Variants in CGNL1 observed in about 807,000 individuals in gnomAD.
The protein encoded by CGNL1 is cingulin like 1.
CGNL1 carries 132 observed loss-of-function variants against 141.2 expected under a neutral mutation model. The observed-to-expected ratio is 0.93, with a 90% confidence interval of 0.81 to 1.08. The LOEUF (loss-of-function observed/expected upper bound fraction) is 1.08, where lower values mean the gene tolerates loss of function less well. Ranked by LOEUF, CGNL1 falls within the 50% of genes least tolerant of loss-of-function variation. CGNL1 has a pLI of 0.00. For synonymous variants in CGNL1, 690 were observed against 622.1 expected, an observed-to-expected ratio of 1.11 and a Z score of -1.63; for missense variants, 1,870 against 1,588.6, an observed-to-expected ratio of 1.18 and a Z score of -3.01.
At chr15:57,511,172 T>G (rs1409145101) in intron 8 of CGNL1, among the ~76,000 whole-genome samples, 2 of 152,236 alleles carry the variant, frequency 1.3e-5, no homozygotes, top group African/African-American at 4.8e-5. Context: ...GTTTTCCACA[T>G]AGCCCCAGTT....
At chr15:57,446,810 C>T (rs2063258639) in intron 4 of CGNL1, among the ~76,000 whole-genome samples, 1 of 151,716 alleles carries the variant, frequency 6.6e-6, no homozygotes, top group South Asian at 2.1e-4. Context: ...AAACAATTTA[C>T]ACTCCTGGTA....
At chr15:57,448,354 A>AT (rs1184158937) in intron 4 of CGNL1, among the ~76,000 whole-genome samples, 1 of 151,238 alleles carries the variant, frequency 6.6e-6, no homozygotes, top group East Asian at 1.9e-4. Flanking sequence ...CTGGAACTTG[A>AT]TTAAAAAAAA....
At chr15:57,466,875 T>A (rs1380618178) in intron 8 of CGNL1, among the ~76,000 whole-genome samples, 1 of 152,234 alleles carries the variant, frequency 6.6e-6, no homozygotes, top group Non-Finnish European at 1.5e-5. Flanking sequence ...AGTATTTTGA[T>A]GCTGATAAAA....
intron 14 of CGNL1, among the ~76,000 whole-genome samples, chr15:57,542,789 G>A (rs2032635965): frequency 6.6e-6 from 1 of 152,170 alleles, no homozygotes; most frequent in African/African-American, 2.4e-5. Flanking sequence ...GACTCATCCT[G>A]GTTCACCTGG....
chr15:57,541,141 G>A (rs549495375), intron 14 of CGNL1, among the ~76,000 whole-genome samples: 9 of 152,258 alleles, frequency 5.9e-5, no homozygotes, highest in Non-Finnish European at 1.0e-4. Context: ...TTAGGAGCCT[G>A]TATCCCAGAA....
At chr15:57,451,218 T>G (rs1198345323) in intron 4 of CGNL1, among the ~76,000 whole-genome samples, 1 of 152,222 alleles carries the variant, frequency 6.6e-6, no homozygotes, top group African/African-American at 2.4e-5. Flanking sequence ...TATGCAAGTT[T>G]TAGTCATATT....
chr15:57,544,308 G>A lies in CGNL1; in HGVS notation c.3376-165G>A, dbSNP rs2032731022. ...CAGCTGAGTTCAGGGGTTTTCCTTG[G>A]AAACATCTCTGTGTTCCCCAGGTCT... On this transcript the variant is annotated intron_variant, in intron 15 of 18. Coordinates refer to ENST00000281282, the MANE Select transcript of CGNL1 (RefSeq NM_032866.5). 3.3e-5 allele frequency among the ~76,000 whole-genome samples: 5 copies of A among 152,238 alleles called. No homozygotes were observed. The South Asian group carries it at 1.0e-3, about 32-fold the overall frequency.
intron 2 of CGNL1, 87 bp downstream of exon 2, chr15:57,439,688 A>T (rs1248210743): frequency 1.6e-6 from 2 of 1,258,726 alleles, no homozygotes; most frequent in Non-Finnish European, 2.2e-6. Context: ...AGGCCATAGG[A>T]ATTACACATC....
intron 14 of CGNL1, among the ~76,000 whole-genome samples, chr15:57,538,369 T>A (rs931128672): frequency 2.6e-5 from 4 of 152,264 alleles, no homozygotes; most frequent in Non-Finnish European, 2.9e-5. Flanking sequence ...GTTTTATGGC[T>A]ACACATTTAT....
At chr15:57,426,432 A>G (rs1465023146) in intron 1 of CGNL1, among the ~76,000 whole-genome samples, 1 of 146,554 alleles carries the variant, frequency 6.8e-6, no homozygotes, top group Non-Finnish European at 1.5e-5. Context: ...GGCATGAGCC[A>G]CCACACCAGG....
chr15:57,401,307 T>G lies in CGNL1; in HGVS notation c.-16+24740T>G, dbSNP rs1402209246. Reference sequence around the variant, plus strand: ...TATAATTCTTCTGTTCAGAGTTAATTACTGGAAATAGGGTTGGACGGTGTA... The same window carrying G: ...TATAATTCTTCTGTTCAGAGTTAATGACTGGAAATAGGGTTGGACGGTGTA... On this transcript the variant is annotated intron_variant, in intron 1 of 18. Transcript: ENST00000281282. Among the ~76,000 whole-genome samples, 6 of 152,350 alleles carry G rather than the reference T, an allele frequency of 3.9e-5. No individual in the cohort carries two copies. In the East Asian group the frequency reaches 7.7e-4, roughly 20 times the overall value.
chr15:57,486,907 G>A lies in CGNL1; in HGVS notation c.2403+25015G>A, dbSNP rs565768678. ...TCTGTCCTTGTTTTACATTTCCATT[G>A]GGAGTGGTGTTTTAGAACTTCTTAC... On this transcript the variant is annotated intron_variant, in intron 8 of 18. Coordinates refer to ENST00000281282, the MANE Select transcript of CGNL1 (RefSeq NM_032866.5). Among the ~76,000 whole-genome samples the A allele has an allele frequency of 2.6e-5, 4 of 152,290 alleles. No individual in the cohort carries two copies. In the South Asian group the frequency reaches 6.2e-4, roughly 24 times the overall value.
chr15:57,434,745 C>T (rs138599320), intron 1 of CGNL1, among the ~76,000 whole-genome samples: 196 of 152,232 alleles, frequency 1.3e-3, no homozygotes, highest in African/African-American at 4.5e-3. Flanking sequence ...TTAAAAAATA[C>T]GATGGAAATT....
chr15:57,538,310 C>T (rs938735613), intron 14 of CGNL1, among the ~76,000 whole-genome samples: 2 of 152,216 alleles, frequency 1.3e-5, no homozygotes, highest in Non-Finnish European at 2.9e-5. Context: ...CCTGGGTTTG[C>T]AAAGACTGAA....
chr15:57,438,965 T>G lies in CGNL1; in HGVS notation c.966T>G (p.His322Gln), dbSNP rs138139512. Reference sequence around the variant, plus strand: ...TGGATGATCAGGAATGTGCCATCCATGCCGACAACGTCAATCGTCATGAAA... The same window carrying G: ...TGGATGATCAGGAATGTGCCATCCAGGCCGACAACGTCAATCGTCATGAAA... ...FLLDDQECAI[H>Q]ADNVNRHENR... is the part of the protein sequence containing the mutation. The change falls in exon 2 of 19, where the codon CAT becomes CAG. Residue 322 changes from histidine (H) to glutamine (Q), a missense_variant. Physicochemically the swap from His to Gln is conservative, Grantham distance 24. Transcript: ENST00000281282. The G allele has an allele frequency of 7.4e-6, 12 of 1,614,108 alleles. No individual in the cohort carries two copies. The highest frequency in any genetic ancestry group is 1.0e-5 in the Non-Finnish European group (12 of 1,180,048).
chr15:57,393,656 A>C (rs1330338002), intron 1 of CGNL1, among the ~76,000 whole-genome samples: 1 of 148,108 alleles, frequency 6.8e-6, no homozygotes, highest in Non-Finnish European at 1.5e-5. Context: ...GCCCCGAGTT[A>C]AATTTCTTGA....
chr15:57,524,762 G>A lies in CGNL1; in HGVS notation c.3039+11G>A, dbSNP rs368536941. On this transcript the variant is annotated intron_variant, in intron 12 of 18. Coordinates refer to ENST00000281282, the MANE Select transcript of CGNL1 (RefSeq NM_032866.5). ...AAAATGCAGGATGAGGTAATGCCTGGCCAGATAAGTTCTTCCTTTATCCCT... is the reference window on the plus strand; with the variant it reads ...AAAATGCAGGATGAGGTAATGCCTGACCAGATAAGTTCTTCCTTTATCCCT... The A allele has an allele frequency of 2.5e-5, 40 of 1,613,172 alleles. No individual in the cohort carries two copies. Among genetic ancestry groups the A allele is most frequent in the Non-Finnish European group, 3.3e-5 (39 of 1,179,614 alleles).
At chr15:57,411,987 T>C (rs963392) in intron 1 of CGNL1, among the ~76,000 whole-genome samples, 173 of 152,324 alleles carry the variant, frequency 1.1e-3, no homozygotes, top group African/African-American at 4.0e-3. Flanking sequence ...GTCGATTATC[T>C]AGCATTCAAA....
At chr15:57,533,659 C>T (rs1671416881) in intron 14 of CGNL1, among the ~76,000 whole-genome samples, 1 of 152,196 alleles carries the variant, frequency 6.6e-6, no homozygotes, top group Admixed American at 6.5e-5. Flanking sequence ...AACGTGTCTG[C>T]TTCCCTTAGC....
Sources: allele counts gnomAD v4.1 joint callset (sites outside exome capture counted in the v4.1 genomes callset), GRCh38; gene constraint gnomAD v4.1.1; transcripts MANE v1.5; gene names NCBI Gene and HGNC (gene_info 2026-07-23, HGNC 2026-07-21).